HFM1: variants seen among roughly 807,000 people sequenced by gnomAD.
HFM1 encodes helicase for meiosis 1, also known as probable ATP-dependent DNA helicase HFM1.
A neutral mutation model predicts 192.1 loss-of-function variants in HFM1; 169 were observed. That is an observed-to-expected ratio of 0.88 (90% CI 0.78 to 1.00). HFM1 has a LOEUF of 1.00. Among genes scored for constraint, HFM1 ranks in the 50% least tolerant of loss-of-function variants. The pLI, the probability that HFM1 is intolerant of heterozygous loss-of-function variation, is 0.00. For missense variants in HFM1, 1,661 were observed against 1,668.0 expected, an observed-to-expected ratio of 1.00 and a Z score of 0.07; for synonymous variants, 525 against 537.8, an observed-to-expected ratio of 0.98 and a Z score of 0.33.
At position 91,319,393 on chromosome 1, in the gene HFM1, G is replaced by A. The variant is rs1651744405; in HGVS notation, c.2583-3C>T. The A allele has an allele frequency of 6.3e-7, 1 of 1,594,950 alleles. No homozygotes were observed. Among genetic ancestry groups the A allele is most frequent in the Non-Finnish European group, 8.6e-7 (1 of 1,163,336 alleles). On this transcript the variant is annotated splice_region_variant and splice_polypyrimidine_tract_variant and intron_variant, in intron 23 of 38. Transcript: ENST00000370425. ...ATCCTAGTTGAGCCTGAATAAGACT[G>A]GGGGAAAGAAAAAAAATTGTTACTC...
chr1:91,289,014 C>A (rs1377547264), intron 30 of HFM1, among the ~76,000 whole-genome samples: 2 of 151,050 alleles, frequency 1.3e-5, no homozygotes, highest in Non-Finnish European at 3.0e-5. Flanking sequence ...CTACCCCCCA[C>A]CTCCCGGATG....
intron 23 of HFM1, 124 bp downstream of exon 23, chr1:91,322,826 G>A (rs1263883550): frequency 6.2e-6 from 3 of 486,606 alleles, no homozygotes; most frequent in African/African-American, 2.0e-5. Flanking sequence ...AGAGTTGTAA[G>A]AAATTAATTT....
chr1:91,338,730 C>A (rs1654933363), intron 20 of HFM1, among the ~76,000 whole-genome samples: 1 of 152,174 alleles, frequency 6.6e-6, no homozygotes, highest in African/African-American at 2.4e-5. Flanking sequence ...ACCACCGGTA[C>A]ATGCGGATCC....
intron 20 of HFM1, among the ~76,000 whole-genome samples, chr1:91,334,293 C>T (rs1654256001): frequency 1.3e-5 from 2 of 152,048 alleles, no homozygotes; most frequent in African/African-American, 4.8e-5. Context: ...AATAAAACTA[C>T]CCACACCTCA....
chr1:91,379,085 G>T lies in HFM1; in HGVS notation c.1136C>A (p.Ala379Asp). The change falls in exon 9 of 39, where the codon GCC becomes GAC. Residue 379 changes from alanine to aspartate, a missense_variant. Coordinates refer to ENST00000370425, the MANE Select transcript of HFM1 (RefSeq NM_001017975.6). ...TACTGGAGTTGTCATAATAATATGG[G>T]CATGCTGAATCTCAAATAGATCATC... Reference protein sequence around the residue: ...VMDDLFEIQHAHIIMTTPEKW... With the variant: ...VMDDLFEIQHDHIIMTTPEKW... The T allele has an allele frequency of 6.3e-7, 1 of 1,582,788 alleles. No individual in the cohort carries two copies. Among genetic ancestry groups the T allele is most frequent in the Non-Finnish European group, 8.6e-7 (1 of 1,163,002 alleles).
intron 30 of HFM1, among the ~76,000 whole-genome samples, chr1:91,300,432 T>C (rs1376749606): frequency 6.6e-6 from 1 of 151,954 alleles, no homozygotes; most frequent in African/African-American, 2.4e-5. Context: ...TAACTCATTT[T>C]ATGAGGCCAG....
rs968909187 is a variant in HFM1 at position 91,283,999 on chromosome 1, TGA to T, written c.3392-6939_3392-6938del. On this transcript the variant is annotated intron_variant, in intron 30 of 38. Coordinates refer to ENST00000370425, the MANE Select transcript of HFM1 (RefSeq NM_001017975.6). The stretch of plus-strand genomic sequence containing the variant: ...TTCATGGTTTTACTTTTTTTAATGA[TGA>T]GAGAGTCTCCTTTTCATTTTTCTGT... Among the ~76,000 whole-genome samples, 10 of 152,074 alleles carry T rather than the reference TGA, an allele frequency of 6.6e-5. 1 individual carries two copies. The highest frequency in any genetic ancestry group is 3.9e-4 in the Admixed American group (6 of 15,268).
intron 1 of HFM1, 85 bp from the exon 2 acceptor site, chr1:91,401,194 C>G (rs4658222): frequency 0.082 from 53,176 of 650,314 alleles, 2,496 homozygotes; most frequent in East Asian, 0.16. Context: ...TTTCCACAGT[C>G]TCCTGTAAAA....
chr1:91,343,144 T>C (rs924933245), intron 20 of HFM1, among the ~76,000 whole-genome samples: 1 of 139,626 alleles, frequency 7.2e-6, no homozygotes, highest in Non-Finnish European at 1.5e-5. Context: ...GGCAGGAGAA[T>C]GGCATGAACC....
intron 13 of HFM1, among the ~76,000 whole-genome samples, chr1:91,358,156 T>C (rs1024312243): frequency 1.3e-5 from 2 of 152,128 alleles, no homozygotes; most frequent in Non-Finnish European, 2.9e-5. Flanking sequence ...AAGACTATCC[T>C]GGCTAACATG....
rs1364358195 is a variant in HFM1, at chr1:91,352,296, C to T, written c.1977+210G>A. ...GCATACCCATTCATAAACCCATCCCCTCATCAGCCAAGACAAGCTTAGACA... is the reference window on the plus strand; with the variant it reads ...GCATACCCATTCATAAACCCATCCCTTCATCAGCCAAGACAAGCTTAGACA... On this transcript the variant is annotated intron_variant, in intron 16 of 38. Transcript: ENST00000370425. 2.0e-5 allele frequency among the ~76,000 whole-genome samples: 3 copies of T among 151,556 alleles called. No homozygotes were observed. The East Asian group carries it at 5.8e-4, about 29-fold the overall frequency.
intron 13 of HFM1, among the ~76,000 whole-genome samples, chr1:91,373,527 A>G (rs943050609): frequency 6.6e-6 from 1 of 152,046 alleles, no homozygotes; most frequent in Admixed American, 6.6e-5. Flanking sequence ...AATCTCCAGT[A>G]TTGAAGGTGA....
intron 4 of HFM1, among the ~76,000 whole-genome samples, chr1:91,387,979 A>C (rs1336627554): frequency 1.3e-5 from 2 of 152,010 alleles, no homozygotes; most frequent in Non-Finnish European, 2.9e-5. Flanking sequence ...AAAAAAAGAA[A>C]TAGAACCTCC....
intron 19 of HFM1, among the ~76,000 whole-genome samples, chr1:91,344,908 C>G (rs1245300558): frequency 6.6e-6 from 1 of 151,782 alleles, no homozygotes; most frequent in Non-Finnish European, 1.5e-5. Context: ...CACCACAACA[C>G]CAGCTCATTT....
chr1:91,304,838 A>T (rs1007855151), intron 30 of HFM1, among the ~76,000 whole-genome samples: 1 of 151,896 alleles, frequency 6.6e-6, no homozygotes, highest in Non-Finnish European at 1.5e-5. Flanking sequence ...TAATTTTTGT[A>T]TATGGTATGA....
At chr1:91,303,378 G>T (rs1435645116) in intron 30 of HFM1, among the ~76,000 whole-genome samples, 3 of 152,044 alleles carry the variant, frequency 2.0e-5, no homozygotes, top group African/African-American at 7.2e-5. Flanking sequence ...ATATTCCATT[G>T]TATGGATATA....
At chr1:91,262,747 T>C (rs1425727672) in intron 36 of HFM1, among the ~76,000 whole-genome samples, 155 bp from the exon 37 acceptor site, 3 of 152,166 alleles carry the variant, frequency 2.0e-5, no homozygotes, top group Non-Finnish European at 4.4e-5. Context: ...GAGCTTGGTA[T>C]ATTTCCTTTC....
chr1:91,394,184 C>A lies in HFM1; in HGVS notation c.403G>T (p.Glu135Ter), dbSNP rs1331525965. The change falls in exon 4 of 39, where the codon GAG becomes TAG. Residue 135 changes from glutamate (E) to a stop codon, truncating the protein, a stop_gained. Coordinates refer to ENST00000370425, the MANE Select transcript of HFM1 (RefSeq NM_001017975.6). LOFTEE classifies it high-confidence loss of function. ...SQKYKNHIGTEIAPEKSVPDD... is the reference protein window; with the variant it reads ...SQKYKNHIGT ...GGAACACTCTTCTCAGGTGCTATCT[C>A]AGTGCCAATGTGATTTTTATATTTC... 7 of 1,607,138 alleles carry A rather than the reference C, an allele frequency of 4.4e-6. No individual in the cohort carries two copies. Among genetic ancestry groups the A allele is most frequent in the Non-Finnish European group, 5.1e-6 (6 of 1,173,954 alleles).
rs369458158 is a variant in HFM1 at position 91,382,627 on chromosome 1, A to T, written c.803-1645T>A. ...ATCCATCAGCTTTAGAAGGAATCTCAATTTTCCTTCAAAACATGTCTCTTT... is the reference window on the plus strand; with the variant it reads ...ATCCATCAGCTTTAGAAGGAATCTCTATTTTCCTTCAAAACATGTCTCTTT... On this transcript the variant is annotated intron_variant, in intron 6 of 38. Coordinates refer to ENST00000370425, the MANE Select transcript of HFM1 (RefSeq NM_001017975.6). 7.9e-5 allele frequency among the ~76,000 whole-genome samples: 12 copies of T among 152,188 alleles called. No homozygotes were observed. The East Asian group carries it at 1.5e-3, about 20-fold the overall frequency.
Sources: gnomAD v4.1 joint callset for allele counts (sites outside exome capture counted in the v4.1 genomes callset) on GRCh38, gnomAD v4.1.1 for gene constraint, MANE v1.5 for transcripts, NCBI Gene and HGNC (gene_info 2026-07-23, HGNC 2026-07-21) for gene names.